The following RABGAP1L variants were observed in gnomAD, a reference collection of about 807,000 sequenced individuals.
RABGAP1L encodes RAB GTPase activating protein 1 like.
In RABGAP1L, 63 loss-of-function variants were observed where a neutral mutation model predicts 137.7. The observed-to-expected ratio is 0.46, with a 90% confidence interval of 0.37 to 0.56. The LOEUF (loss-of-function observed/expected upper bound fraction) is 0.56, where lower values mean the gene tolerates loss of function less well. RABGAP1L is among the 20% of genes least tolerant of loss of function. The pLI, the probability that RABGAP1L is intolerant of heterozygous loss-of-function variation, is 0.00. For missense variants in RABGAP1L, 1,095 were observed against 1,244.0 expected (o/e 0.88, Z 1.80); for synonymous variants, 431 against 433.7 (o/e 0.99, Z 0.08).
At chr1:174,586,678 A>G (rs951204954) in intron 13 of RABGAP1L, among the ~76,000 whole-genome samples, 3 of 151,960 alleles carry the variant, frequency 2.0e-5, no homozygotes, top group Non-Finnish European at 2.9e-5. Flanking sequence ...GCTCACTGCA[A>G]CCTCCACCTC....
At chr1:174,367,685 C>T (rs1216775866) in intron 11 of RABGAP1L, 1 of 222,770 alleles carries the variant, frequency 4.5e-6, no homozygotes, top group South Asian at 7.9e-5. Context: ...GTCACTTAGA[C>T]GTGGACAATA....
intron 15 of RABGAP1L, among the ~76,000 whole-genome samples, chr1:174,686,064 G>A (rs1678437827): frequency 6.6e-6 from 1 of 152,164 alleles, no homozygotes; most frequent in Admixed American, 6.5e-5. Flanking sequence ...CATTTGAAGG[G>A]CTGATGCGGA....
intron 10 of RABGAP1L, among the ~76,000 whole-genome samples, chr1:174,301,994 G>A (rs114991576): frequency 0.061 from 9,216 of 152,188 alleles, 977 homozygotes; most frequent in African/African-American, 0.21. Context: ...CTGGGGACCT[G>A]CCCCTGTCTG....
At chr1:174,434,151 A>ACACACACACACACACACACACACCCC (rs1361968902) in intron 13 of RABGAP1L, among the ~76,000 whole-genome samples, 1 of 147,518 alleles carries the variant, frequency 6.8e-6, no homozygotes, top group Non-Finnish European at 1.5e-5. Flanking sequence ...ACACACACAC[A>ACACACACACACACACACACACACCCC]CCCTGCCTGG....
In RABGAP1L at chr1:174,838,917, C is replaced by CAAAA. The variant is rs58265128; in HGVS notation, c.2340+26991_2340+26994dup. Among the ~76,000 whole-genome samples, 145 of 22,458 alleles carry CAAAA rather than the reference C, an allele frequency of 6.5e-3. 52 individuals are homozygous for CAAAA. The highest frequency in any genetic ancestry group is 0.015 in the Admixed American group (16 of 1,070). The allele number at this position is 22,458 out of a possible 152,430, so 14.7% of individuals were successfully genotyped here. On this transcript the variant is annotated intron_variant, in intron 19 of 25. Transcript: ENST00000681986. ...TGGGCGACAAAGCGAGACTCCGTCT[C>CAAAA]AAAAAAAAAAAAAAAAAAAAAAAAA...
At chr1:174,808,100 C>T (rs999136238) in intron 18 of RABGAP1L, among the ~76,000 whole-genome samples, 1 of 151,676 alleles carries the variant, frequency 6.6e-6, no homozygotes, top group Non-Finnish European at 1.5e-5. Flanking sequence ...TCTCCTGCCT[C>T]AGCCTCCCCA....
At chr1:174,360,680 T>G (rs1401956799) in intron 11 of RABGAP1L, among the ~76,000 whole-genome samples, 4 of 152,278 alleles carry the variant, frequency 2.6e-5, no homozygotes, top group East Asian at 3.9e-4. Flanking sequence ...CTGAGGACTT[T>G]TAGCAGTATC....
At chr1:174,588,263 A>C (rs1669276778) in intron 13 of RABGAP1L, among the ~76,000 whole-genome samples, 1 of 152,048 alleles carries the variant, frequency 6.6e-6, no homozygotes, top group African/African-American at 2.4e-5. Flanking sequence ...TCTGGGGTTC[A>C]AGTAATTCTC....
chr1:174,730,362 T>C (rs1232191000), intron 17 of RABGAP1L, among the ~76,000 whole-genome samples: 2 of 152,188 alleles, frequency 1.3e-5, no homozygotes, highest in Non-Finnish European at 2.9e-5. Flanking sequence ...AACTGTTGGA[T>C]ACTATGCTCA....
chr1:174,671,461 A>G (rs1198602794), intron 14 of RABGAP1L, among the ~76,000 whole-genome samples: 2 of 152,136 alleles, frequency 1.3e-5, no homozygotes, highest in African/African-American at 4.8e-5. Context: ...ATATATGGCC[A>G]TTACTGTTTT....
intron 13 of RABGAP1L, among the ~76,000 whole-genome samples, chr1:174,522,047 A>G (rs552863461): frequency 6.6e-6 from 1 of 150,440 alleles, no homozygotes; most frequent in East Asian, 2.0e-4. Flanking sequence ...CCACTGCACT[A>G]CAGCTTGGAC....
intron 7 of RABGAP1L, among the ~76,000 whole-genome samples, chr1:174,271,472 A>G (rs1460455533): frequency 1.3e-5 from 2 of 152,230 alleles, no homozygotes; most frequent in African/African-American, 4.8e-5. Context: ...AAATTGTTAC[A>G]TAGCATATCT....
chr1:174,383,655 C>T (rs1006766849), intron 12 of RABGAP1L, among the ~76,000 whole-genome samples: 7 of 152,142 alleles, frequency 4.6e-5, no homozygotes, highest in Non-Finnish European at 4.4e-5. Context: ...GGCTCGCGCA[C>T]GGTGCGCGCA....
chr1:174,418,550 C>T (rs544988626), intron 13 of RABGAP1L, among the ~76,000 whole-genome samples: 27 of 152,152 alleles, frequency 1.8e-4, no homozygotes, highest in Admixed American at 8.5e-4. Flanking sequence ...GTGGAGTGTC[C>T]TTGAAATATG....
At chr1:174,215,439 A>G (rs926147259) in intron 1 of RABGAP1L, among the ~76,000 whole-genome samples, 1 of 151,724 alleles carries the variant, frequency 6.6e-6, no homozygotes, top group African/African-American at 2.4e-5. Flanking sequence ...CCTGGGCGAC[A>G]AGAGCGAAAC....
At chr1:174,629,737 T>G (rs1673193087) in intron 13 of RABGAP1L, among the ~76,000 whole-genome samples, 1 of 152,136 alleles carries the variant, frequency 6.6e-6, no homozygotes, top group Admixed American at 6.5e-5. Flanking sequence ...GTTGCCAGGC[T>G]GGTCTCGAAG....
chr1:174,945,154 G>C (rs1042210820), intron 19 of RABGAP1L, among the ~76,000 whole-genome samples: 2 of 152,162 alleles, frequency 1.3e-5, no homozygotes, highest in African/African-American at 2.4e-5. Flanking sequence ...AGCTGTATCA[G>C]CTTTCTGTGG....
chr1:174,897,309 G>C (rs1029732868), intron 19 of RABGAP1L: 7 of 152,188 alleles, frequency 4.6e-5, no homozygotes, highest in Non-Finnish European at 1.0e-4. Flanking sequence ...CTTTGCTGAA[G>C]TTGCTTATTA....
chr1:174,978,737 TGAATATA>T, intron 22 of RABGAP1L, 63 bp from the exon 23 acceptor site: 1 of 1,441,470 alleles, frequency 6.9e-7, no homozygotes. Context: ...CAGACAGACT[TGAATATA>T]GATGTTTGTG....
Sources: allele counts gnomAD v4.1 joint callset (sites outside exome capture counted in the v4.1 genomes callset), GRCh38; gene constraint gnomAD v4.1.1; transcripts MANE v1.5; gene names NCBI Gene and HGNC (gene_info 2026-07-23, HGNC 2026-07-21).